The following TET1 variants were observed in gnomAD, a reference collection of about 807,000 sequenced individuals.
TET1 encodes tet methylcytosine dioxygenase 1.
A neutral mutation model predicts 148.7 loss-of-function variants in TET1; 13 were observed. That is an observed-to-expected ratio of 0.09 (90% CI 0.06 to 0.14). TET1 has a LOEUF of 0.14. Among genes scored for constraint, TET1 ranks in the 10% least tolerant of loss-of-function variants. TET1 has a pLI of 1.00. For synonymous variants in TET1, 907 were observed against 937.2 expected (o/e 0.97, Z 0.59); for missense variants, 2,182 against 2,553.8 (o/e 0.85, Z 3.14).
At position 68,646,567 on chromosome 10, in the gene TET1, A is replaced by G; in HGVS notation, c.3838A>G (p.Lys1280Glu). 6.2e-7 allele frequency: 1 copy of G among 1,614,144 alleles called. No individual in the cohort carries two copies. The highest frequency in any genetic ancestry group is 1.7e-5 in the Admixed American group (1 of 60,010). ...ATCCAACGGGAAGGCATTCACTGAT[A>G]AAGCTTATAATTCTCAGGTACAGTT... Reference protein sequence around the residue: ...TESNGKAFTDKAYNSQVQLTV... With the variant: ...TESNGKAFTDEAYNSQVQLTV... The change falls in exon 4 of 12, where the codon AAA (lysine) becomes GAA (glutamate). Residue 1280 changes from lysine to glutamate, a missense_variant. By Grantham distance (56) the Lys-to-Glu change is moderately conservative. Coordinates refer to ENST00000373644, the MANE Select transcript of TET1 (RefSeq NM_030625.3).
intron 3 of TET1, among the ~76,000 whole-genome samples, chr10:68,605,892 GTTGT>G (rs1198495713): frequency 5.3e-5 from 8 of 152,106 alleles, no homozygotes; most frequent in East Asian, 1.9e-4. Context: ...TTTGTTGTTT[GTTGT>G]TTGTTTGTTT....
At chr10:68,603,679 G>C (rs1347641782) in intron 3 of TET1, among the ~76,000 whole-genome samples, 1 of 152,150 alleles carries the variant, frequency 6.6e-6, no homozygotes, top group Non-Finnish European at 1.5e-5. Flanking sequence ...GCTGAGGAGG[G>C]AGGATTGCTT....
At chr10:68,678,673 C>A (rs936307247) in intron 8 of TET1, among the ~76,000 whole-genome samples, 1 of 151,924 alleles carries the variant, frequency 6.6e-6, no homozygotes, top group Non-Finnish European at 1.5e-5. Context: ...TTGCTTGAAC[C>A]TGAGAGGCAG....
At chr10:68,602,041 C>T (rs1275543301) in intron 3 of TET1, among the ~76,000 whole-genome samples, 1 of 152,306 alleles carries the variant, frequency 6.6e-6, no homozygotes, top group Non-Finnish European at 1.5e-5. Context: ...GAGAACCAAA[C>T]CTTGCCCTGC....
At chr10:68,686,293 A>C in intron 10 of TET1, 63 bp from the exon 11 acceptor site, 1 of 1,389,698 alleles carries the variant, frequency 7.2e-7, no homozygotes, top group African/African-American at 1.4e-5. Context: ...GAAGGTAGGA[A>C]TAGCCACAAT....
chr10:68,573,941 C>G lies in TET1; in HGVS notation c.1603C>G (p.Gln535Glu), dbSNP rs1261992946. 6.2e-7 allele frequency: 1 copy of G among 1,614,090 alleles called. No individual in the cohort carries two copies. Among genetic ancestry groups the G allele is most frequent in the Non-Finnish European group, 8.5e-7 (1 of 1,180,050 alleles). The change falls in exon 2 of 12, where the codon CAG (glutamine) becomes GAG (glutamate). Residue 535 changes from glutamine (Q) to glutamate (E), a missense_variant. By Grantham distance (29) the Gln-to-Glu change is conservative. Coordinates refer to ENST00000373644, the MANE Select transcript of TET1 (RefSeq NM_030625.3). ...TTCACTGGGTATAGCCCAACTCTCT[C>G]AGGCTGGTCCTAGCAAATCAGACAG... ...HASLGIAQLSQAGPSKSDRGS... is the reference protein window; with the variant it reads ...HASLGIAQLSEAGPSKSDRGS...
chr10:68,589,965 C>T (rs2053900927), intron 2 of TET1, among the ~76,000 whole-genome samples: 1 of 152,090 alleles, frequency 6.6e-6, no homozygotes, highest in Non-Finnish European at 1.5e-5. Context: ...AGCCACCATG[C>T]CTGGCCTTCC....
chr10:68,645,500 C>T lies in TET1; in HGVS notation c.2771C>T (p.Ala924Val). 6.2e-7 allele frequency: 1 copy of T among 1,613,958 alleles called. No individual in the cohort carries two copies. ...GATGAGGAATCAGAGCAGAGAACAG[C>T]CAGTTTGCTTAATAGCTGCAAAGCT... ...EKDEESEQRTASLLNSCKAIL... is the reference protein window; with the variant it reads ...EKDEESEQRTVSLLNSCKAIL... Residue 924 changes from alanine to valine, a missense_variant, in exon 4 of 12, where the codon GCC becomes GTC. Coordinates refer to ENST00000373644, the MANE Select transcript of TET1 (RefSeq NM_030625.3).
At chr10:68,670,837 G>C (rs563959232) in intron 7 of TET1, among the ~76,000 whole-genome samples, 1 of 151,886 alleles carries the variant, frequency 6.6e-6, no homozygotes, top group Non-Finnish European at 1.5e-5. Context: ...CTTTCACAGT[G>C]AAAACATAAA....
In TET1 at chr10:68,693,602, T is replaced by A. The variant is rs1435685413; in HGVS notation, c.*1788T>A. ...CAAGTAGATTTCTGCTTGTTGAATATGTAAAATAGGGTAATTCATTGACTT... is the reference window on the plus strand; with the variant it reads ...CAAGTAGATTTCTGCTTGTTGAATAAGTAAAATAGGGTAATTCATTGACTT... On this transcript the variant is annotated 3_prime_UTR_variant, in exon 12 of 12. Transcript: ENST00000373644. 32 of 232,658 alleles carry A rather than the reference T, an allele frequency of 1.4e-4. 1 individual carries two copies. In the Admixed American group the frequency reaches 1.7e-3, roughly 13 times the overall value. 14.4% of individuals were successfully genotyped at this position (232,658 alleles called of 1,614,324 possible).
chr10:68,666,439 T>C (rs567622170), intron 6 of TET1, among the ~76,000 whole-genome samples: 1 of 152,322 alleles, frequency 6.6e-6, no homozygotes, highest in South Asian at 2.1e-4. Context: ...AAATTCGTTG[T>C]CAAGTTTATT....
At chr10:68,597,030 ATTTTTTT>A (rs553591899) in intron 2 of TET1, among the ~76,000 whole-genome samples, 12 of 98,878 alleles carry the variant, frequency 1.2e-4, no homozygotes, top group Non-Finnish European at 1.9e-4. Flanking sequence ...CAGCTAATGG[ATTTTTTT>A]TTTTTTTTTT....
intron 3 of TET1, among the ~76,000 whole-genome samples, chr10:68,639,403 CAG>C (rs1218500648): frequency 6.9e-6 from 1 of 144,360 alleles, no homozygotes; most frequent in Non-Finnish European, 1.6e-5. Context: ...GCTCGGGTGA[CAG>C]AGCAAGACTC....
At chr10:68,652,013 C>A in intron 5 of TET1, 77 bp downstream of exon 5, 1 of 1,305,734 alleles carries the variant, frequency 7.7e-7, no homozygotes, top group Non-Finnish European at 1.1e-6. Context: ...TCTCTAAGAA[C>A]AAACGCCGTG....
chr10:68,615,274 C>CT (rs1045332258), intron 3 of TET1, among the ~76,000 whole-genome samples: 6 of 151,706 alleles, frequency 4.0e-5, no homozygotes, highest in Admixed American at 3.3e-4. Context: ...CCTGAGGTTT[C>CT]TTTTTTTTCC....
intron 3 of TET1, among the ~76,000 whole-genome samples, chr10:68,611,536 C>T (rs1265601080): frequency 6.6e-6 from 1 of 151,622 alleles, no homozygotes; most frequent in Non-Finnish European, 1.5e-5. Flanking sequence ...ACTGTCATTC[C>T]AGTTACTCAG....
At chr10:68,680,836 A>G (rs151092647) in intron 8 of TET1, among the ~76,000 whole-genome samples, 2 of 152,362 alleles carry the variant, frequency 1.3e-5, no homozygotes, top group East Asian at 3.9e-4. Flanking sequence ...GGCATTTACT[A>G]AACCTCTCAG....
At chr10:68,629,540 ATT>A (rs200143684) in intron 3 of TET1, among the ~76,000 whole-genome samples, 2 of 147,172 alleles carry the variant, frequency 1.4e-5, no homozygotes, top group Non-Finnish European at 1.5e-5. Context: ...ATTATTTTTA[ATT>A]TTTTTTTTTT....
At chr10:68,638,135 T>C (rs887334656) in intron 3 of TET1, among the ~76,000 whole-genome samples, 1 of 152,202 alleles carries the variant, frequency 6.6e-6, no homozygotes, top group African/African-American at 2.4e-5. Context: ...TACTGGGCAC[T>C]GTATGGTGGT....
Sources: gnomAD v4.1 joint callset for allele counts (sites outside exome capture counted in the v4.1 genomes callset) on GRCh38, gnomAD v4.1.1 for gene constraint, MANE v1.5 for transcripts, NCBI Gene and HGNC (gene_info 2026-07-23, HGNC 2026-07-21) for gene names.